Variants in MAP3K15 observed in about 807,000 individuals in gnomAD.
MAP3K15 encodes MAPK/ERK kinase kinase 15.
Under a neutral mutation model 99.5 loss-of-function variants are expected in MAP3K15, and 124 were observed. The observed-to-expected ratio is 1.25, with a 90% CI of 1.08 to 1.45. The LOEUF (loss-of-function observed/expected upper bound fraction) is 1.45. Ranked by LOEUF, MAP3K15 falls within the 40% of genes most tolerant of loss-of-function variation. The pLI, the probability that MAP3K15 is intolerant of heterozygous loss-of-function variation, is 0.00. For missense variants in MAP3K15, 1,242 were observed against 1,079.7 expected, an observed-to-expected ratio of 1.15 and a Z score of -2.11; for synonymous variants, 494 against 439.6, an observed-to-expected ratio of 1.12 and a Z score of -1.55.
intron 1 of MAP3K15, among the ~76,000 whole-genome samples, chrX:19,503,289 C>T (rs1449101157): frequency 2.7e-5 from 3 of 111,629 alleles, no homozygotes; most frequent in African/African-American, 9.8e-5. Flanking sequence ...GTGTAGATGG[C>T]ATGCAAAACG....
intron 24 of MAP3K15, 71 bp downstream of exon 24, chrX:19,370,888 G>A: frequency 1.3e-6 from 1 of 794,183 alleles, no homozygotes; most frequent in Admixed American, 2.7e-5. Context: ...AGCAACAACT[G>A]TTGAATGAAG....
chrX:19,372,972 G>T (rs970753498), intron 21 of MAP3K15, 145 bp from the exon 22 acceptor site: 1 of 494,732 alleles, frequency 2.0e-6, no homozygotes, highest in Non-Finnish European at 3.2e-6. Context: ...CCGGAGGAAG[G>T]ACAGACATGC....
chrX:19,499,266 G>A lies in MAP3K15; in HGVS notation c.362-10299C>T, dbSNP rs189358877. 1.1e-4 allele frequency among the ~76,000 whole-genome samples: 12 copies of A among 111,990 alleles called. No individual in the cohort carries two copies. In the East Asian group the frequency reaches 1.4e-3, roughly 13 times the overall value. The stretch of plus-strand genomic sequence containing the variant: ...TTATGAGAAGAACCACAATTGACAC[G>A]ATTGGTAATACAGTGTTGGTGACGA... On this transcript the variant is annotated intron_variant, in intron 1 of 28. Transcript: ENST00000338883.
At chrX:19,365,138 GGCAGAGGTTGCAGTGA>G (rs1164281565) in intron 25 of MAP3K15, among the ~76,000 whole-genome samples, 1 of 109,529 alleles carries the variant, frequency 9.1e-6, no homozygotes, top group African/African-American at 3.3e-5. Flanking sequence ...GAACCCAGGA[GGCAGAGGTTGCAGTGA>G]GCAGAGATTG....
At chrX:19,476,503 C>T in intron 3 of MAP3K15, among the ~76,000 whole-genome samples, 1 of 111,718 alleles carries the variant, frequency 9.0e-6, no homozygotes, top group Non-Finnish European at 1.9e-5. Context: ...TGACACAACT[C>T]CAAAAAAGAT....
At chrX:19,428,065 C>T (rs1321412139) in intron 7 of MAP3K15, among the ~76,000 whole-genome samples, 1 of 111,549 alleles carries the variant, frequency 9.0e-6, no homozygotes, top group Non-Finnish European at 1.9e-5. Flanking sequence ...AACTTAGGGG[C>T]AGAGAAGATC....
intron 25 of MAP3K15, among the ~76,000 whole-genome samples, chrX:19,365,351 G>T (rs971185787): frequency 2.7e-5 from 3 of 112,487 alleles, no homozygotes; most frequent in African/African-American, 9.7e-5. Flanking sequence ...GACAGGCCTT[G>T]CTGGGTTTCC....
chrX:19,462,366 GA>G (rs1237598879), intron 4 of MAP3K15, among the ~76,000 whole-genome samples: 2 of 111,336 alleles, frequency 1.8e-5, no homozygotes, highest in African/African-American at 6.5e-5. Flanking sequence ...TCCCAATAAT[GA>G]ACAAAATTAG....
In MAP3K15 at chrX:19,454,316, A is replaced by G. The variant is rs772595618; in HGVS notation, c.995+2597T>C. On this transcript the variant is annotated intron_variant, in intron 6 of 28. Transcript: ENST00000338883. ...GATTCTGATTTTCTTCTTCTAGACC[A>G]TCCAGCTCACTGGCTGGATCCCTGG... Among the ~76,000 whole-genome samples, 378 of 112,022 alleles carry G rather than the reference A, an allele frequency of 3.4e-3. 1 individual carries two copies. The highest frequency in any genetic ancestry group is 0.016 in the South Asian group (42 of 2,685).
chrX:19,468,610 G>A (rs2064185158), intron 3 of MAP3K15, among the ~76,000 whole-genome samples: 1 of 111,841 alleles, frequency 8.9e-6, no homozygotes, highest in East Asian at 2.8e-4. Context: ...TTTAAGAAGT[G>A]ACATCATATG....
At position 19,471,233 on chromosome X, in the gene MAP3K15, C is replaced by T. The variant is rs143101659; in HGVS notation, c.526-6827G>A. On this transcript the variant is annotated intron_variant, in intron 3 of 28. Transcript: ENST00000338883. ...GAGGAGAGAAAGGAGCAGAAAAATA[C>T]TCAAAGAAATAATTGCTGAAAACTT... Among the ~76,000 whole-genome samples, 116 of 107,221 alleles carry T rather than the reference C, an allele frequency of 1.1e-3. No homozygotes were observed. In the Middle Eastern group the frequency reaches 0.014, roughly 13 times the overall value. 93.1% of individuals were successfully genotyped at this position (107,221 alleles called of 115,157 possible). A position where few individuals can be genotyped will look rare whatever the true frequency, so the allele number is the denominator to read the frequency against.
chrX:19,375,200 T>C (rs2063408737), intron 19 of MAP3K15, among the ~76,000 whole-genome samples: 1 of 112,320 alleles, frequency 8.9e-6, no homozygotes, highest in South Asian at 3.7e-4. Flanking sequence ...GTTTGGTACA[T>C]AGCAGTAGAG....
chrX:19,470,546 TA>T (rs56319020), intron 3 of MAP3K15, among the ~76,000 whole-genome samples: 13 of 97,284 alleles, frequency 1.3e-4, no homozygotes, highest in South Asian at 5.0e-4. Context: ...AAACTTAAAT[TA>T]AAAAAAAAAA....
At chrX:19,453,996 G>A (rs1223211159) in intron 6 of MAP3K15, among the ~76,000 whole-genome samples, 1 of 111,425 alleles carries the variant, frequency 9.0e-6, no homozygotes, top group Non-Finnish European at 1.9e-5. Context: ...GAACAAGCAT[G>A]CAGCCCCTCT....
chrX:19,465,738 A>C (rs1207667083), intron 3 of MAP3K15, among the ~76,000 whole-genome samples: 1 of 110,575 alleles, frequency 9.0e-6, no homozygotes, highest in Non-Finnish European at 1.9e-5. Flanking sequence ...TGGGCAACAG[A>C]GCGAGACTAC....
intron 14 of MAP3K15, among the ~76,000 whole-genome samples, chrX:19,399,341 C>T (rs775246610): frequency 1.2e-4 from 13 of 110,347 alleles, no homozygotes; most frequent in Non-Finnish European, 2.3e-4. Flanking sequence ...GGCGAGTAGA[C>T]CACCTGAGGT....
intron 14 of MAP3K15, among the ~76,000 whole-genome samples, chrX:19,400,272 C>A (rs980632222): frequency 1.1e-4 from 12 of 112,197 alleles, no homozygotes; most frequent in African/African-American, 3.2e-4. Context: ...CCAACTAATT[C>A]TCTTGTAGTC....
At chrX:19,511,419 A>C (rs1424248667) in intron 1 of MAP3K15, among the ~76,000 whole-genome samples, 1 of 112,178 alleles carries the variant, frequency 8.9e-6, no homozygotes, top group African/African-American at 3.2e-5. Context: ...GGAATCTATC[A>C]ATCTGACAAA....
chrX:19,512,295 C>T (rs1028268537), intron 1 of MAP3K15, among the ~76,000 whole-genome samples: 9 of 111,551 alleles, frequency 8.1e-5, no homozygotes, highest in Non-Finnish European at 1.5e-4. Context: ...CAAACCTGCA[C>T]GTTCAGCACA....
Sources: gnomAD v4.1 joint callset for allele counts (sites outside exome capture counted in the v4.1 genomes callset) on GRCh38, gnomAD v4.1.1 for gene constraint, MANE v1.5 for transcripts, NCBI Gene and HGNC (gene_info 2026-07-23, HGNC 2026-07-21) for gene names.